OPRL1: variants seen among roughly 807,000 people sequenced by gnomAD.
OPRL1 encodes the protein nociceptin receptor.
In OPRL1, 5 loss-of-function variants were observed where a neutral mutation model predicts 15.5. That is an observed-to-expected ratio of 0.32 (90% confidence interval 0.17 to 0.68). The LOEUF (loss-of-function observed/expected upper bound fraction) is 0.68, where lower values mean the gene tolerates loss of function less well. Ranked by LOEUF, OPRL1 falls within the 30% of genes least tolerant of loss-of-function variation. The pLI, the probability that OPRL1 is intolerant of heterozygous loss-of-function variation, is 0.72. For synonymous variants in OPRL1, 223 were observed against 230.2 expected, an observed-to-expected ratio of 0.97 and a Z score of 0.28; for missense variants, 406 against 515.3, an observed-to-expected ratio of 0.79 and a Z score of 2.05.
At position 64,083,959 on chromosome 20, in the gene OPRL1, C is replaced by T. The variant is rs1448027737; in HGVS notation, c.-185+3607C>T. On this transcript the variant is annotated intron_variant, in intron 1 of 4. Coordinates refer to ENST00000336866, the MANE Select transcript of OPRL1 (RefSeq NM_182647.4). The surrounding 1 kb of genome is among the most constrained non-coding windows in gnomAD (Gnocchi z 4.9). The stretch of plus-strand genomic sequence containing the variant: ...ACGGGCGCGGGTCGGGCATGCGGTA[C>T]CCCGGTTCCACCGACCCGCACGGGA... 3 of 1,467,390 alleles carry T rather than the reference C, an allele frequency of 2.0e-6. No individual in the cohort carries two copies. The highest frequency in any genetic ancestry group is 2.3e-4 in the Middle Eastern group (1 of 4,346). 90.9% of individuals were successfully genotyped at this position (1,467,390 alleles called of 1,614,324 possible).
rs1415976531 is a variant in OPRL1 at position 64,090,010 on chromosome 20, G to C, written c.-184-1956G>C. On this transcript the variant is annotated intron_variant, in intron 1 of 4. Coordinates refer to ENST00000336866, the MANE Select transcript of OPRL1 (RefSeq NM_182647.4). This position sits in a 1 kb window ranked among gnomAD's most constrained non-coding sequence, Gnocchi z 4.9. Reference sequence around the variant, plus strand: ...CACCCTCGAGCTTTGCCTGGAGAGCGTGTTTGTGCATGTGTGTGTCCTCTG... The same window carrying C: ...CACCCTCGAGCTTTGCCTGGAGAGCCTGTTTGTGCATGTGTGTGTCCTCTG... Among the ~76,000 whole-genome samples the C allele has an allele frequency of 6.6e-6, 1 of 152,238 alleles. No individual in the cohort carries two copies. Among genetic ancestry groups the C allele is most frequent in the Non-Finnish European group, 1.5e-5 (1 of 68,042 alleles).
At chr20:64,087,134 C>T (rs1388128829) in intron 1 of OPRL1, among the ~76,000 whole-genome samples, 8 of 151,410 alleles carry the variant, frequency 5.3e-5, no homozygotes, top group African/African-American at 1.2e-4. Flanking sequence ...TGTCATCGTT[C>T]GTGTCTTGGG....
chr20:64,083,181 G>A lies in OPRL1; in HGVS notation c.-185+2829G>A, dbSNP rs1212687047. 6.6e-6 allele frequency among the ~76,000 whole-genome samples: 1 copy of A among 152,176 alleles called. No individual in the cohort carries two copies. The highest frequency in any genetic ancestry group is 2.1e-4 in the South Asian group (1 of 4,826). Reference sequence around the variant, plus strand: ...CACAGAACGCCAGGTTGCCAGTGGGGGGCAGATCGGGATTAGGGGTAGGCG... The same window carrying A: ...CACAGAACGCCAGGTTGCCAGTGGGAGGCAGATCGGGATTAGGGGTAGGCG... On this transcript the variant is annotated intron_variant, in intron 1 of 4. Coordinates refer to ENST00000336866, the MANE Select transcript of OPRL1 (RefSeq NM_182647.4). The surrounding 1 kb of genome is among the most constrained non-coding windows in gnomAD (Gnocchi z 4.9).
chr20:64,086,743 ATTC>A (rs1160393924), intron 1 of OPRL1: 1 of 166,938 alleles, frequency 6.0e-6, no homozygotes, highest in Non-Finnish European at 1.3e-5. Flanking sequence ...ATTGTTAAAA[ATTC>A]TTTCACTTTT....
At position 64,099,150 on chromosome 20, in the gene OPRL1, C is replaced by T; in HGVS notation, c.*351C>T. The T allele has an allele frequency of 2.9e-6, 1 of 343,488 alleles. No homozygotes were observed. The highest frequency in any genetic ancestry group is 5.3e-6 in the Non-Finnish European group (1 of 187,584). The allele number at this position is 343,488 out of a possible 1,614,324, so 21.3% of individuals were successfully genotyped here. ...CCCTCCCTCCCCGTGCTTCATGTGACTCTTGGCCTCTCTGCTGCTGCGTTG... is the reference window on the plus strand; with the variant it reads ...CCCTCCCTCCCCGTGCTTCATGTGATTCTTGGCCTCTCTGCTGCTGCGTTG... On this transcript the variant is annotated 3_prime_UTR_variant, in exon 5 of 5. Coordinates refer to ENST00000336866, the MANE Select transcript of OPRL1 (RefSeq NM_182647.4).
At chr20:64,082,727 AT>A (rs917955327) in intron 1 of OPRL1, among the ~76,000 whole-genome samples, 10 of 135,806 alleles carry the variant, frequency 7.4e-5, no homozygotes, top group African/African-American at 2.7e-4. Context: ...GAGTCCAGGG[AT>A]TTTGTAGGTC....
At chr20:64,095,451 G>A (rs1449049548) in intron 3 of OPRL1, among the ~76,000 whole-genome samples, 2 of 151,416 alleles carry the variant, frequency 1.3e-5, no homozygotes, top group Admixed American at 1.3e-4. Flanking sequence ...TGGGCAGGTA[G>A]AAGATGGAGA....
chr20:64,083,503 G>T lies in OPRL1; in HGVS notation c.-185+3151G>T, dbSNP rs776347770. On this transcript the variant is annotated intron_variant, in intron 1 of 4. Coordinates refer to ENST00000336866, the MANE Select transcript of OPRL1 (RefSeq NM_182647.4). This position sits in a 1 kb window ranked among gnomAD's most constrained non-coding sequence, Gnocchi z 4.9. ...GTCTCCACGCGCCTCCGCTGCCGGG[G>T]AGAGAGGCTGGGGTCCGGCGTGTGC... 1.9e-6 allele frequency: 3 copies of T among 1,586,012 alleles called. No homozygotes were observed. Among genetic ancestry groups the T allele is most frequent in the South Asian group, 2.3e-5 (2 of 88,480 alleles).
At position 64,097,851 on chromosome 20, in the gene OPRL1, C is replaced by G; in HGVS notation, c.283C>G (p.Leu95Val). 6.2e-7 allele frequency: 1 copy of G among 1,613,614 alleles called. No individual in the cohort carries two copies. Among genetic ancestry groups the G allele is most frequent in the South Asian group, 1.1e-5 (1 of 91,090 alleles). Residue 95 changes from leucine (L) to valine (V), a missense_variant, in exon 4 of 5, where the codon CTG becomes GTG. Leu to Val is a conservative substitution (Grantham distance 32). Transcript: ENST00000336866. This position sits in a 1 kb window ranked among gnomAD's most constrained non-coding sequence, Gnocchi z 4.2. ...ATNIYIFNLA[L>V]ADTLVLLTLP... ...CAATATTTACATCTTTAACCTGGCCCTGGCCGACACTCTGGTCCTGCTGAC... is the reference window on the plus strand; with the variant it reads ...CAATATTTACATCTTTAACCTGGCCGTGGCCGACACTCTGGTCCTGCTGAC...
rs1339616580 is a variant in OPRL1, at chr20:64,084,012, C to T, written c.-185+3660C>T. 2.0e-6 allele frequency: 3 copies of T among 1,502,864 alleles called. No homozygotes were observed. The African/African-American group carries it at 4.3e-5, about 22-fold the overall frequency. 93.1% of individuals were successfully genotyped at this position (1,502,864 alleles called of 1,614,324 possible). On this transcript the variant is annotated intron_variant, in intron 1 of 4. Coordinates refer to ENST00000336866, the MANE Select transcript of OPRL1 (RefSeq NM_182647.4). ...GTGGAGGCCGCCGCGCCCACGTCCT[C>T]CAGCAGGTCGCCGAAGAGCAGATGG... is the stretch of plus-strand genomic sequence containing the variant.
At chr20:64,084,043 G>A in intron 1 of OPRL1, 1 of 1,502,664 alleles carries the variant, frequency 6.7e-7, no homozygotes, top group Middle Eastern at 2.2e-4. Context: ...GATGGCGGTG[G>A]CGCTGCGCAG....
chr20:64,085,667 G>A (rs1305331875), intron 1 of OPRL1, among the ~76,000 whole-genome samples: 1 of 152,024 alleles, frequency 6.6e-6, no homozygotes, highest in Non-Finnish European at 1.5e-5. Flanking sequence ...TTACTTCCAC[G>A]AGATGTCTGT....
At chr20:64,085,193 T>C (rs1293877475) in intron 1 of OPRL1, 1 of 152,250 alleles carries the variant, frequency 6.6e-6, no homozygotes, top group African/African-American at 2.4e-5. Context: ...ATCCTAGGGG[T>C]TGTGGGCCCA....
chr20:64,080,862 GCA>G (rs1220313239), intron 1 of OPRL1, among the ~76,000 whole-genome samples: 1 of 152,168 alleles, frequency 6.6e-6, no homozygotes, highest in African/African-American at 2.4e-5. Flanking sequence ...CCTTCCAGTT[GCA>G]CAGGTCAGGT....
chr20:64,096,089 C>G (rs1458323969), intron 3 of OPRL1, among the ~76,000 whole-genome samples: 4 of 152,138 alleles, frequency 2.6e-5, no homozygotes, highest in Non-Finnish European at 5.9e-5. Context: ...CGTGTCACGG[C>G]TGAGGAGTGC....
At chr20:64,088,914 T>TGGCCAGGATCTGTGCAAGGA (rs2060091701) in intron 1 of OPRL1, among the ~76,000 whole-genome samples, 2 of 101,578 alleles carry the variant, frequency 2.0e-5, no homozygotes, top group Admixed American at 8.8e-5. Flanking sequence ...CTGTGCAGAG[T>TGGCCAGGATCTGTGCAAGGA]GGCCAGGATC....
chr20:64,097,656 C>G lies in OPRL1; in HGVS notation c.234-146C>G, dbSNP rs1979337617. 1.4e-6 allele frequency: 1 copy of G among 723,568 alleles called. No individual in the cohort carries two copies. Among genetic ancestry groups the G allele is most frequent in the African/African-American group, 1.8e-5 (1 of 56,896 alleles). 44.8% of individuals were successfully genotyped at this position (723,568 alleles called of 1,614,324 possible). A position where few individuals can be genotyped will look rare whatever the true frequency, so the allele number is the denominator to read the frequency against. ...GTCTCAGGTTGGGTCCAGGAGCTAT[C>G]ACTTACCAAGCCCCCATGGGAACTC... On this transcript the variant is annotated intron_variant, in intron 3 of 4. Transcript: ENST00000336866. This position sits in a 1 kb window ranked among gnomAD's most constrained non-coding sequence, Gnocchi z 4.2.
chr20:64,090,406 C>T lies in OPRL1; in HGVS notation c.-184-1560C>T, dbSNP rs937609768. Among the ~76,000 whole-genome samples, 4 of 152,200 alleles carry T rather than the reference C, an allele frequency of 2.6e-5. No individual in the cohort carries two copies. The highest frequency in any genetic ancestry group is 2.1e-4 in the South Asian group (1 of 4,832). On this transcript the variant is annotated intron_variant, in intron 1 of 4. Transcript: ENST00000336866. This position sits in a 1 kb window ranked among gnomAD's most constrained non-coding sequence, Gnocchi z 4.9. Reference sequence around the variant, plus strand: ...TGGGTCCTGGGGCATCTGCCTGTTCCGTCCTCTCCTGATTTGCCAGGTATC... The same window carrying T: ...TGGGTCCTGGGGCATCTGCCTGTTCTGTCCTCTCCTGATTTGCCAGGTATC...
chr20:64,092,664 A>T, intron 2 of OPRL1, 24 bp from the exon 3 acceptor site: 1 of 1,549,914 alleles, frequency 6.5e-7, no homozygotes, highest in Non-Finnish European at 8.8e-7. Context: ...CACTGCAGCC[A>T]CTTGTCTCTG....
Sources: allele counts gnomAD v4.1 joint callset (sites outside exome capture counted in the v4.1 genomes callset), GRCh38; gene constraint gnomAD v4.1.1; non-coding constraint Gnocchi (gnomAD v3.1); transcripts MANE v1.5; gene names NCBI Gene and HGNC (gene_info 2026-07-23, HGNC 2026-07-21).